TMSB10: variants seen among roughly 807,000 people sequenced by gnomAD.
TMSB10 encodes the protein thymosin beta-10.
In TMSB10, 4 loss-of-function variants were observed where a neutral mutation model predicts 4.5. That is an observed-to-expected ratio of 0.89 (90% CI 0.44 to 2.03). The LOEUF is 2.03. TMSB10 is among the 30% of genes most tolerant of loss of function. The pLI is 0.03. For missense variants in TMSB10, 44 were observed against 53.9 expected (o/e 0.82, Z 0.57); for synonymous variants, 17 against 20.3 (o/e 0.84, Z 0.44).
intron 1 of TMSB10, 72 bp from the exon 2 acceptor site, chr2:84,905,931 G>A: frequency 7.7e-7 from 1 of 1,302,020 alleles, no homozygotes; most frequent in Non-Finnish European, 1.1e-6. Context: ...CACGTCGAGA[G>A]GCGTCGGCGG....
chr2:84,906,565 T>C lies in TMSB10; in HGVS notation c.*142T>C. On this transcript the variant is annotated 3_prime_UTR_variant, in exon 3 of 3. Coordinates refer to ENST00000233143, the MANE Select transcript of TMSB10 (RefSeq NM_021103.4). ...CGCCGATGCCACCGGCCTGTGGGTC[T>C]CTGAAGGGACCCCCCCCCAATCGGA... 2.3e-6 allele frequency: 2 copies of C among 867,596 alleles called. No homozygotes were observed. Among genetic ancestry groups the C allele is most frequent in the Non-Finnish European group, 3.3e-6 (2 of 614,422 alleles). 53.7% of individuals were successfully genotyped at this position (867,596 alleles called of 1,614,324 possible).
rs1316567785 is a variant in TMSB10, at chr2:84,906,053, C to T, written c.36C>T (p.Ser12=). 1.2e-6 allele frequency: 2 copies of T among 1,613,976 alleles called. No individual in the cohort carries two copies. Among genetic ancestry groups the T allele is most frequent in the Non-Finnish European group, 8.5e-7 (1 of 1,179,992 alleles). ...ADKPDMGEIA[S]FDKAKLKKTE... is the part of the protein sequence containing the mutation. ...AACCAGACATGGGGGAAATCGCCAG[C>T]TTCGATAAGGCCAAGCTGAAGAAAA... The change falls in exon 2 of 3, where the codon AGC becomes AGT. Residue 12 remains serine (S), a synonymous_variant. Transcript: ENST00000233143.
chr2:84,906,296 C>T, intron 2 of TMSB10, 93 bp from the exon 3 acceptor site: 2 of 1,490,382 alleles, frequency 1.3e-6, no homozygotes, highest in South Asian at 2.5e-5. Context: ...TAAATCCCCA[C>T]ACCTCGTGGG....
chr2:84,906,304 G>A, intron 2 of TMSB10, 85 bp from the exon 3 acceptor site: 1 of 1,504,470 alleles, frequency 6.6e-7, no homozygotes, highest in Non-Finnish European at 9.0e-7. Context: ...CACACCTCGT[G>A]GGTGCCTCGC....
Position 84,906,451 on chromosome 2 carries a change from C to T in TMSB10, c.*28C>T. On this transcript the variant is annotated 3_prime_UTR_variant, in exon 3 of 3. Transcript: ENST00000233143. ...TCCTGGAGGATTTCCTACCCCCGTC[C>T]TCTTCGAGACCCCAGTCGTGATGTG... 1.3e-6 allele frequency: 2 copies of T among 1,599,988 alleles called. No individual in the cohort carries two copies. The highest frequency in any genetic ancestry group is 1.7e-6 in the Non-Finnish European group (2 of 1,175,504).
Position 84,905,734 on chromosome 2 carries a change from G to A in TMSB10, c.-16+16G>A, listed in dbSNP as rs1404827533. Reference sequence around the variant, plus strand: ...AGACTGCACGGTGAGTGCGGCGCCGGGGCGGGGGGCCCACCCAGGGTGTGG... The same window carrying A: ...AGACTGCACGGTGAGTGCGGCGCCGAGGCGGGGGGCCCACCCAGGGTGTGG... On this transcript the variant is annotated intron_variant, in intron 1 of 2. Transcript: ENST00000233143. 9 of 302,204 alleles carry A rather than the reference G, an allele frequency of 3.0e-5. No individual in the cohort carries two copies. The highest frequency in any genetic ancestry group is 4.3e-5 in the Non-Finnish European group (7 of 161,892). The allele number at this position is 302,204 out of a possible 1,614,324, so 18.7% of individuals were successfully genotyped here. A position where few individuals can be genotyped will look rare whatever the true frequency, so the allele number is the denominator to read the frequency against.
chr2:84,906,203 C>T (rs1683690018), intron 2 of TMSB10, 86 bp downstream of exon 2: 6 of 1,463,522 alleles, frequency 4.1e-6, no homozygotes, highest in Non-Finnish European at 5.6e-6. Context: ...CCCCACCCCG[C>T]CGTTGTCCCC....
chr2:84,905,678 G>A lies in TMSB10; in HGVS notation c.-56G>A. ...TTTGTTTCTTGCTGCAGCAACGCGA[G>A]TGGGAGCACCAGGATCTCGGGCTCG... On this transcript the variant is annotated 5_prime_UTR_variant, in exon 1 of 3. The change creates a new upstream start codon in the 5' untranslated region. Coordinates refer to ENST00000233143, the MANE Select transcript of TMSB10 (RefSeq NM_021103.4). 1 of 180,168 alleles carries A rather than the reference G, an allele frequency of 5.6e-6. No homozygotes were observed. Among genetic ancestry groups the A allele is most frequent in the Non-Finnish European group, 1.2e-5 (1 of 85,714 alleles). 11.2% of individuals were successfully genotyped at this position (180,168 alleles called of 1,614,324 possible).
In TMSB10 at chr2:84,906,519, A is replaced by G; in HGVS notation, c.*96A>G. 1 of 1,447,056 alleles carries G rather than the reference A, an allele frequency of 6.9e-7. No homozygotes were observed. The allele number at this position is 1,447,056 out of a possible 1,614,324, so 89.6% of individuals were successfully genotyped here. On this transcript the variant is annotated 3_prime_UTR_variant, in exon 3 of 3. Transcript: ENST00000233143. Reference sequence around the variant, plus strand: ...AAGATGGACACGAGCCACAAGCTGCACTGTGAACCTGGGCACTCCGCGCCG... The same window carrying G: ...AAGATGGACACGAGCCACAAGCTGCGCTGTGAACCTGGGCACTCCGCGCCG...
chr2:84,905,797 G>A (rs1244800237), intron 1 of TMSB10, 79 bp downstream of exon 1: 1 of 410,598 alleles, frequency 2.4e-6, no homozygotes, highest in African/African-American at 2.1e-5. Flanking sequence ...CCGCAACCGC[G>A]ACAGGCGCCC....
Position 84,905,707 on chromosome 2 carries a change from C to T in TMSB10, c.-27C>T, listed in dbSNP as rs1683679654. The T allele has an allele frequency of 1.8e-5, 4 of 226,638 alleles. No individual in the cohort carries two copies. The highest frequency in any genetic ancestry group is 3.5e-5 in the Non-Finnish European group (4 of 115,000). The allele number at this position is 226,638 out of a possible 1,614,324, so 14.0% of individuals were successfully genotyped here. A position where few individuals can be genotyped will look rare whatever the true frequency, so the allele number is the denominator to read the frequency against. On this transcript the variant is annotated 5_prime_UTR_variant, in exon 1 of 3. In the 5' UTR this introduces an upstream ATG that the reference lacks. Transcript: ENST00000233143. Reference sequence around the variant, plus strand: ...GAGCACCAGGATCTCGGGCTCGGAACGAGACTGCACGGTGAGTGCGGCGCC... The same window carrying T: ...GAGCACCAGGATCTCGGGCTCGGAATGAGACTGCACGGTGAGTGCGGCGCC...
Position 84,906,375 on chromosome 2 carries a change from C to T in TMSB10, c.101-14C>T, listed in dbSNP as rs959903978. ...TGCAGCTCCCCTCCAGCGCCCGCTT[C>T]CCGCTCTCCACAGCCATTGAGCAGG... On this transcript the variant is annotated splice_polypyrimidine_tract_variant and intron_variant, in intron 2 of 2. Transcript: ENST00000233143. The T allele has an allele frequency of 6.3e-7, 1 of 1,596,086 alleles. No individual in the cohort carries two copies. Among genetic ancestry groups the T allele is most frequent in the Non-Finnish European group, 8.5e-7 (1 of 1,171,300 alleles).
chr2:84,906,002 G>A lies in TMSB10; in HGVS notation c.-15-1G>A, dbSNP rs765334718. The A allele has an allele frequency of 3.7e-6, 6 of 1,613,014 alleles. No individual in the cohort carries two copies. The Admixed American group carries it at 8.3e-5, about 22-fold the overall frequency. On this transcript the variant is annotated splice_acceptor_variant, in intron 1 of 2. Coordinates refer to ENST00000233143, the MANE Select transcript of TMSB10 (RefSeq NM_021103.4). LOFTEE classifies it low-confidence loss of function (5UTR_SPLICE). The stretch of plus-strand genomic sequence containing the variant: ...GTCAAGCGCCTTGGTTTGCCCACTA[G>A]GATTGTTTTAAGAAAATGGCAGACA...
intron 1 of TMSB10, 58 bp downstream of exon 1, chr2:84,905,776 G>A (rs1037768175): frequency 5.0e-5 from 19 of 381,782 alleles, no homozygotes; most frequent in African/African-American, 2.8e-4. Flanking sequence ...CCGGTGCACC[G>A]GGCGGGCGCG....
In TMSB10 at chr2:84,906,544, G is replaced by C; in HGVS notation, c.*121G>C. ...ACTGTGAACCTGGGCACTCCGCGCC[G>C]ATGCCACCGGCCTGTGGGTCTCTGA... is the stretch of plus-strand genomic sequence containing the variant. On this transcript the variant is annotated 3_prime_UTR_variant, in exon 3 of 3. Coordinates refer to ENST00000233143, the MANE Select transcript of TMSB10 (RefSeq NM_021103.4). The C allele has an allele frequency of 8.5e-7, 1 of 1,173,182 alleles. No homozygotes were observed. Among genetic ancestry groups the C allele is most frequent in the Non-Finnish European group, 1.2e-6 (1 of 862,656 alleles). The allele number at this position is 1,173,182 out of a possible 1,614,324, so 72.7% of individuals were successfully genotyped here. A position where few individuals can be genotyped will look rare whatever the true frequency, so the allele number is the denominator to read the frequency against.
At position 84,905,995 on chromosome 2, in the gene TMSB10, C is replaced by T. The variant is rs1181521253; in HGVS notation, c.-15-8C>T. On this transcript the variant is annotated splice_polypyrimidine_tract_variant and splice_region_variant and intron_variant, in intron 1 of 2. Transcript: ENST00000233143. Reference sequence around the variant, plus strand: ...GGCCCAGGTCAAGCGCCTTGGTTTGCCCACTAGGATTGTTTTAAGAAAATG... The same window carrying T: ...GGCCCAGGTCAAGCGCCTTGGTTTGTCCACTAGGATTGTTTTAAGAAAATG... 1 of 1,609,864 alleles carries T rather than the reference C, an allele frequency of 6.2e-7. No individual in the cohort carries two copies. Among genetic ancestry groups the T allele is most frequent in the Admixed American group, 1.7e-5 (1 of 59,930 alleles).
Sources: gnomAD v4.1 joint callset for allele counts on GRCh38, gnomAD v4.1.1 for gene constraint, MANE v1.5 for transcripts, NCBI Gene and HGNC (gene_info 2026-07-23, HGNC 2026-07-21) for gene names.